Variants in COL25A1 observed in about 807,000 individuals in gnomAD.
COL25A1 encodes collagen type XXV alpha 1 chain.
In COL25A1, 103 loss-of-function variants were observed where a neutral mutation model predicts 128.4. That is an observed-to-expected ratio of 0.80 (90% CI 0.68 to 0.94). COL25A1 has a LOEUF of 0.94. Ranked by LOEUF, COL25A1 falls within the 40% of genes least tolerant of loss-of-function variation. The pLI, the probability that COL25A1 is intolerant of heterozygous loss-of-function variation, is 0.00. For synonymous variants in COL25A1, 279 were observed against 277.2 expected, an observed-to-expected ratio of 1.01 and a Z score of -0.06; for missense variants, 745 against 840.0, an observed-to-expected ratio of 0.89 and a Z score of 1.40.
At chr4:109,055,829 T>C (rs901420185) in intron 3 of COL25A1, among the ~76,000 whole-genome samples, 4 of 152,202 alleles carry the variant, frequency 2.6e-5, no homozygotes, top group African/African-American at 9.6e-5. Context: ...AAATCACAAT[T>C]ACTTTTGCAC....
At chr4:108,854,962 C>T (rs1013383387) in intron 24 of COL25A1, among the ~76,000 whole-genome samples, 3 of 152,216 alleles carry the variant, frequency 2.0e-5, no homozygotes. Flanking sequence ...ATTCCTGATC[C>T]ATGAATCATA....
chr4:109,280,066 A>T (rs1723218162), intron 3 of COL25A1, among the ~76,000 whole-genome samples: 1 of 152,220 alleles, frequency 6.6e-6, no homozygotes, highest in South Asian at 2.1e-4. Flanking sequence ...CACTACCTGG[A>T]CTGGTCTATC....
intron 18 of COL25A1, among the ~76,000 whole-genome samples, chr4:108,887,983 A>G (rs1741023964): frequency 6.6e-6 from 1 of 152,194 alleles, no homozygotes; most frequent in Non-Finnish European, 1.5e-5. Flanking sequence ...GGATCTCTGT[A>G]TCACTAATTC....
At chr4:108,954,605 C>G (rs899962331) in intron 8 of COL25A1, among the ~76,000 whole-genome samples, 3 of 151,712 alleles carry the variant, frequency 2.0e-5, no homozygotes, top group African/African-American at 7.3e-5. Context: ...TCAAAATATG[C>G]CTTAGGTGCA....
intron 3 of COL25A1, among the ~76,000 whole-genome samples, chr4:109,098,685 C>G (rs1765618207): frequency 6.6e-6 from 1 of 152,096 alleles, no homozygotes; most frequent in African/African-American, 2.4e-5. Flanking sequence ...TCAGTTTAAC[C>G]AGTTGTACTG....
At chr4:109,189,628 G>A (rs954059922) in intron 3 of COL25A1, among the ~76,000 whole-genome samples, 6 of 149,924 alleles carry the variant, frequency 4.0e-5, no homozygotes, top group East Asian at 2.0e-4. Context: ...GTTTGTGCTC[G>A]TATCAGCAAT....
In COL25A1 at chr4:108,809,405, T is replaced by TAAGA. The variant is rs1244233355; in HGVS notation, c.*4518_*4521dup. The TAAGA allele has an allele frequency of 6.6e-6, 1 of 152,128 alleles. No homozygotes were observed. Among genetic ancestry groups the TAAGA allele is most frequent in the African/African-American group, 2.4e-5 (1 of 41,448 alleles). The allele number at this position is 152,128 out of a possible 1,614,324, so 9.4% of individuals were successfully genotyped here. A position where few individuals can be genotyped will look rare whatever the true frequency, so the allele number is the denominator to read the frequency against. On this transcript the variant is annotated 3_prime_UTR_variant, in exon 38 of 38. Transcript: ENST00000399132. ...TATTCACATAAATGTCAACAGTATG[T>TAAGA]AAGACATTCTTTTGTGAATCCAATT...
chr4:108,937,781 T>C lies in COL25A1; in HGVS notation c.708+27A>G, dbSNP rs190512113. Reference sequence around the variant, plus strand: ...TAGTTGTAAACAACCAGGCTTAGTATAGAAAAAGATAAACTGAGATACTTG... The same window carrying C: ...TAGTTGTAAACAACCAGGCTTAGTACAGAAAAAGATAAACTGAGATACTTG... On this transcript the variant is annotated intron_variant, in intron 11 of 37. Coordinates refer to ENST00000399132, the MANE Select transcript of COL25A1 (RefSeq NM_198721.4). 71 of 1,585,636 alleles carry C rather than the reference T, an allele frequency of 4.5e-5. No individual in the cohort carries two copies. The East Asian group carries it at 8.1e-4, about 18-fold the overall frequency.
intron 13 of COL25A1, among the ~76,000 whole-genome samples, chr4:108,910,061 A>AAG (rs1744024973): frequency 6.6e-6 from 1 of 152,162 alleles, no homozygotes; most frequent in South Asian, 2.1e-4. Context: ...TTAAGGAAAT[A>AAG]CCTTTATTTT....
chr4:108,886,621 A>AT (rs1740860943), intron 18 of COL25A1, among the ~76,000 whole-genome samples: 1 of 152,070 alleles, frequency 6.6e-6, no homozygotes. Flanking sequence ...ATTCTTCCCT[A>AT]TTCCTTGACT....
chr4:108,983,909 C>G (rs1578979586), intron 6 of COL25A1, among the ~76,000 whole-genome samples: 1 of 152,118 alleles, frequency 6.6e-6, no homozygotes, highest in African/African-American at 2.4e-5. Flanking sequence ...AACAAAGCTT[C>G]CACAGTGTGG....
At chr4:109,056,357 T>C (rs1761444009) in intron 3 of COL25A1, among the ~76,000 whole-genome samples, 1 of 152,182 alleles carries the variant, frequency 6.6e-6, no homozygotes, top group Non-Finnish European at 1.5e-5. Context: ...AGCAACATAA[T>C]TTTAATAAAG....
intron 3 of COL25A1, among the ~76,000 whole-genome samples, chr4:109,287,793 C>T (rs1020255909): frequency 1.3e-5 from 2 of 152,162 alleles, no homozygotes; most frequent in East Asian, 3.9e-4. Flanking sequence ...CAGAGGAGAG[C>T]ATCCACATAC....
chr4:109,290,226 T>A (rs1052622943), intron 3 of COL25A1, among the ~76,000 whole-genome samples: 3 of 152,124 alleles, frequency 2.0e-5, no homozygotes, highest in African/African-American at 4.8e-5. Flanking sequence ...ACTTCTCCAT[T>A]CAAGGGCATT....
chr4:109,287,775 G>C (rs1389888411), intron 3 of COL25A1, among the ~76,000 whole-genome samples: 3 of 152,172 alleles, frequency 2.0e-5, no homozygotes, highest in African/African-American at 7.2e-5. Context: ...AACTGAGACA[G>C]GCAAGAGCAG....
At chr4:109,257,017 T>C (rs1781128875) in intron 3 of COL25A1, among the ~76,000 whole-genome samples, 1 of 152,168 alleles carries the variant, frequency 6.6e-6, no homozygotes, top group Non-Finnish European at 1.5e-5. Flanking sequence ...AGGTGGTTTG[T>C]GTCATTCCAT....
At chr4:108,852,140 A>G (rs1735856698) in intron 26 of COL25A1, 96 bp downstream of exon 26, 1 of 966,314 alleles carries the variant, frequency 1.0e-6, no homozygotes, top group Admixed American at 2.1e-5. Flanking sequence ...CAGCTTCTTC[A>G]GCATTTTGTA....
intron 3 of COL25A1, among the ~76,000 whole-genome samples, chr4:109,075,977 T>A (rs532342257): frequency 2.6e-4 from 39 of 152,326 alleles, no homozygotes; most frequent in Non-Finnish European, 4.3e-4. Flanking sequence ...GTAGTGAACA[T>A]GTGCAGACTT....
chr4:109,230,592 C>T (rs1484633114), intron 3 of COL25A1, among the ~76,000 whole-genome samples: 1 of 152,152 alleles, frequency 6.6e-6, no homozygotes, highest in Admixed American at 6.5e-5. Flanking sequence ...TTAATACCCA[C>T]ATGAAATTGT....
Sources: gnomAD v4.1 joint callset for allele counts (sites outside exome capture counted in the v4.1 genomes callset) on GRCh38, gnomAD v4.1.1 for gene constraint, MANE v1.5 for transcripts, NCBI Gene and HGNC (gene_info 2026-07-23, HGNC 2026-07-21) for gene names.